The following SLC2A2 variants were observed in gnomAD, a reference collection of about 807,000 sequenced individuals.
SLC2A2 encodes the protein solute carrier family 2 member 2, also known as solute carrier family 2, facilitated glucose transporter member 2.
SLC2A2 carries 36 observed loss-of-function variants against 54.5 expected under a neutral mutation model. That is an observed-to-expected ratio of 0.66 (90% CI 0.51 to 0.87). The LOEUF is 0.87. Ranked by LOEUF, SLC2A2 falls within the 40% of genes least tolerant of loss-of-function variation. The probability of loss-of-function intolerance (pLI) is 0.00; values close to 1 mark genes in which losing one functional copy is unlikely to be tolerated. For synonymous variants in SLC2A2, 223 were observed against 219.1 expected, an observed-to-expected ratio of 1.02 and a Z score of -0.16; for missense variants, 543 against 624.3, an observed-to-expected ratio of 0.87 and a Z score of 1.39.
intron 1 of SLC2A2, among the ~76,000 whole-genome samples, chr3:171,019,426 C>G (rs778468388): frequency 5.9e-5 from 9 of 151,874 alleles, no homozygotes; most frequent in Non-Finnish European, 1.0e-4. Flanking sequence ...GGATAAGGGC[C>G]ATTATTTTCT....
At chr3:171,005,006 C>T (rs964813842) in intron 7 of SLC2A2, among the ~76,000 whole-genome samples, 4 of 150,716 alleles carry the variant, frequency 2.7e-5, no homozygotes, top group African/African-American at 9.9e-5. Flanking sequence ...AATTATTCTC[C>T]TTTTCCCTCC....
rs1032314148 is a variant in SLC2A2, at chr3:170,996,365, T to C, written c.*1538A>G. 1 of 365,734 alleles carries C rather than the reference T, an allele frequency of 2.7e-6. No homozygotes were observed. The highest frequency in any genetic ancestry group is 4.9e-6 in the Non-Finnish European group (1 of 204,974). 22.7% of individuals were successfully genotyped at this position (365,734 alleles called of 1,614,324 possible). A position where few individuals can be genotyped will look rare whatever the true frequency, so the allele number is the denominator to read the frequency against. Reference sequence around the variant, plus strand: ...ATCACACTGAAAAGAAACAATTTCTTGTTCTTTGGACTGCTAAATTACATA... The same window carrying C: ...ATCACACTGAAAAGAAACAATTTCTCGTTCTTTGGACTGCTAAATTACATA... On this transcript the variant is annotated 3_prime_UTR_variant, in exon 11 of 11. Transcript: ENST00000314251.
intron 1 of SLC2A2, among the ~76,000 whole-genome samples, chr3:171,018,987 A>T (rs1250277044): frequency 6.6e-6 from 1 of 151,550 alleles, no homozygotes; most frequent in African/African-American, 2.4e-5. Flanking sequence ...TTACTTGATT[A>T]AAAAAATCCA....
intron 1 of SLC2A2, among the ~76,000 whole-genome samples, chr3:171,021,412 A>C (rs1246747117): frequency 6.6e-6 from 1 of 152,234 alleles, no homozygotes; most frequent in East Asian, 1.9e-4. Context: ...GGATTATCTC[A>C]TTTACTTCTT....
rs1468884966 is a variant in SLC2A2, at chr3:170,996,653, C to T, written c.*1250G>A. The T allele has an allele frequency of 7.5e-6, 3 of 397,792 alleles. No individual in the cohort carries two copies. Among genetic ancestry groups the T allele is most frequent in the African/African-American group, 2.1e-5 (1 of 48,550 alleles). 24.6% of individuals were successfully genotyped at this position (397,792 alleles called of 1,614,324 possible). ...GTCTGTTTAATCATCTGTGTATTTC[C>T]AATTTGCCTATGTAGGTAAAGGCAG... On this transcript the variant is annotated 3_prime_UTR_variant, in exon 11 of 11. Coordinates refer to ENST00000314251, the MANE Select transcript of SLC2A2 (RefSeq NM_000340.2).
rs55851905 is a variant in SLC2A2, at chr3:171,018,403, G to A, written c.108+128C>T. On this transcript the variant is annotated intron_variant, in intron 2 of 10. Transcript: ENST00000314251. Reference sequence around the variant, plus strand: ...TATCAGCTTTGGAACAGTGCACATCGTACCTGACAGGCCAGGATGGCCTTG... The same window carrying A: ...TATCAGCTTTGGAACAGTGCACATCATACCTGACAGGCCAGGATGGCCTTG... 0.021 allele frequency: 16,364 copies of A among 762,412 alleles called. 259 individuals carry two copies. Among genetic ancestry groups the A allele is most frequent in the Non-Finnish European group, 0.026 (11,046 of 419,112 alleles). The allele number at this position is 762,412 out of a possible 1,614,324, so 47.2% of individuals were successfully genotyped here.
At chr3:171,019,230 C>T (rs1172598443) in intron 1 of SLC2A2, among the ~76,000 whole-genome samples, 1 of 149,182 alleles carries the variant, frequency 6.7e-6, no homozygotes, top group Non-Finnish European at 1.5e-5. Flanking sequence ...CAAGATAGAG[C>T]CATTATATCA....
At chr3:171,005,207 TA>T (rs1163352342) in intron 7 of SLC2A2, 77 bp downstream of exon 7, 17 of 1,147,040 alleles carry the variant, frequency 1.5e-5, no homozygotes, top group Non-Finnish European at 2.3e-5. Context: ...ATCTTTTAGC[TA>T]TTTAAACTTG....
At chr3:171,011,787 A>G (rs1012692563) in intron 3 of SLC2A2, among the ~76,000 whole-genome samples, 2 of 152,122 alleles carry the variant, frequency 1.3e-5, no homozygotes, top group Non-Finnish European at 1.5e-5. Flanking sequence ...GACCTTAACA[A>G]GTTGTTACCA....
chr3:171,012,532 C>G (rs536695891), intron 3 of SLC2A2, among the ~76,000 whole-genome samples: 1 of 152,128 alleles, frequency 6.6e-6, no homozygotes, highest in Admixed American at 6.6e-5. Context: ...GAAAAATTGG[C>G]CTTGCAAACC....
chr3:171,020,178 A>G (rs1228189791), intron 1 of SLC2A2, among the ~76,000 whole-genome samples: 2 of 152,160 alleles, frequency 1.3e-5, no homozygotes, highest in East Asian at 3.8e-4. Context: ...GCCCCAGTAT[A>G]AAGAATAGCA....
At chr3:170,998,955 G>GT in intron 9 of SLC2A2, 110 bp downstream of exon 9, 1 of 782,878 alleles carries the variant, frequency 1.3e-6, no homozygotes, top group Admixed American at 1.7e-5. Flanking sequence ...GCTTTATTTC[G>GT]TAAGTCAGTC....
chr3:171,019,532 C>T (rs1458934848), intron 1 of SLC2A2, among the ~76,000 whole-genome samples: 1 of 152,070 alleles, frequency 6.6e-6, no homozygotes, highest in Admixed American at 6.6e-5. Context: ...GTCTAACTAT[C>T]TTAGAGAAAT....
chr3:171,005,583 A>G, intron 6 of SLC2A2, 111 bp from the exon 7 acceptor site: 1 of 820,182 alleles, frequency 1.2e-6, no homozygotes. Context: ...ATTACTTAAT[A>G]GCATGGGTGT....
rs1019696977 is a variant in SLC2A2 at position 171,007,234 on chromosome 3, T to C, written c.526A>G (p.Ile176Val). Residue 176 changes from isoleucine (I) to valine (V), a missense_variant, in exon 5 of 11, where the codon ATC (isoleucine) becomes GTC (valine). This residue lies in a region of SLC2A2 where 318 missense variants were observed against 343.8 expected (regional missense o/e 0.93). Transcript: ENST00000314251. ...AGAGCGGTTGGAGCAATTTCACCGA[T>C]ATACATAGGAACCAGGCCTGAAATT... The part of the protein sequence containing the change: ...GLISGLVPMY[I>V]GEIAPTALRG... 2 of 1,612,070 alleles carry C rather than the reference T, an allele frequency of 1.2e-6. No individual in the cohort carries two copies. The highest frequency in any genetic ancestry group is 1.1e-5 in the South Asian group (1 of 91,040).
intron 2 of SLC2A2, 49 bp downstream of exon 2, chr3:171,018,482 A>G (rs988800598): frequency 4.0e-6 from 5 of 1,241,962 alleles, no homozygotes; most frequent in Admixed American, 1.7e-5. Context: ...TATGATATCT[A>G]TCACTGACAG....
intron 1 of SLC2A2, 42 bp from the exon 2 acceptor site, chr3:171,018,665 T>C (rs1716273185): frequency 7.3e-7 from 1 of 1,375,974 alleles, no homozygotes; most frequent in South Asian, 1.2e-5. Flanking sequence ...ACCAGGCAAT[T>C]TTAGTTTCCC....
chr3:171,025,380 A>G (rs567939379), intron 1 of SLC2A2, among the ~76,000 whole-genome samples: 1 of 151,138 alleles, frequency 6.6e-6, no homozygotes, highest in Non-Finnish European at 1.5e-5. Context: ...ATTAATAATT[A>G]TATAACTATT....
chr3:171,002,602 C>T lies in SLC2A2; in HGVS notation c.1042G>A (p.Val348Ile). 1 of 1,609,536 alleles carries T rather than the reference C, an allele frequency of 6.2e-7. No individual in the cohort carries two copies. Among genetic ancestry groups the T allele is most frequent in the Non-Finnish European group, 8.5e-7 (1 of 1,176,864 alleles). ...PVYATIGVGA[V>I]NMVFTAVSVF... ...GAGACAGCAGTGAAAACCATGTTTA[C>T]AGCGCCAACTCCAATGGTTGCATAA... Residue 348 changes from valine to isoleucine, a missense_variant, in exon 8 of 11, where the codon GTA (valine) becomes ATA (isoleucine). By Grantham distance (29) the Val-to-Ile change is conservative. Transcript: ENST00000314251.
Sources: gnomAD v4.1 joint callset for allele counts (sites outside exome capture counted in the v4.1 genomes callset) on GRCh38, gnomAD v4.1.1 for gene constraint, gnomAD v4.1.1 regional missense constraint, MANE v1.5 for transcripts, NCBI Gene and HGNC (gene_info 2026-07-23, HGNC 2026-07-21) for gene names.